Variants in HMCN2 observed in about 807,000 individuals in gnomAD.
HMCN2 encodes the protein hemicentin 2, also known as hemicentin-2.
HMCN2 carries 325 observed loss-of-function variants against 377.5 expected under a neutral mutation model. The ratio of observed to expected loss-of-function variants is 0.86; its 90% confidence interval spans 0.79 to 0.94. The LOEUF (loss-of-function observed/expected upper bound fraction) is 0.94, where lower values mean the gene tolerates loss of function less well. HMCN2 is among the 40% of genes least tolerant of loss of function. The pLI is 0.00. For missense variants in HMCN2, 4,543 were observed against 4,725.3 expected, an observed-to-expected ratio of 0.96 and a Z score of 1.13; for synonymous variants, 2,007 against 2,046.8, an observed-to-expected ratio of 0.98 and a Z score of 0.53.
At chr9:130,343,616 G>T (rs895380988) in intron 25 of HMCN2, among the ~76,000 whole-genome samples, 1 of 152,122 alleles carries the variant, frequency 6.6e-6, no homozygotes, top group African/African-American at 2.4e-5. Flanking sequence ...GCCGTTCTGC[G>T]CTTTTGGGAG....
intron 66 of HMCN2, among the ~76,000 whole-genome samples, chr9:130,392,566 A>C (rs1842372586): frequency 6.6e-6 from 1 of 152,188 alleles, no homozygotes; most frequent in Non-Finnish European, 1.5e-5. Context: ...AAGGGGAGCC[A>C]AGCTGTCCAT....
chr9:130,324,099 A>G (rs1837995785), intron 19 of HMCN2, among the ~76,000 whole-genome samples: 1 of 152,208 alleles, frequency 6.6e-6, no homozygotes, highest in South Asian at 2.1e-4. Flanking sequence ...ATTTCACACT[A>G]TCACCGCTAT....
At chr9:130,300,572 G>A (rs1891305) in intron 8 of HMCN2, among the ~76,000 whole-genome samples, 1 of 152,042 alleles carries the variant, frequency 6.6e-6, no homozygotes, top group South Asian at 2.1e-4. Context: ...CAGGGCTGCC[G>A]TGGGGGTGCC....
At chr9:130,380,604 T>C (rs554053020) in intron 54 of HMCN2, among the ~76,000 whole-genome samples, 1 of 151,996 alleles carries the variant, frequency 6.6e-6, no homozygotes, top group Non-Finnish European at 1.5e-5. Flanking sequence ...CTGGGCAACA[T>C]CGTGAGACCC....
In HMCN2 at chr9:130,431,391, ACCTGTGTCAGCACG is replaced by A. The variant is rs1844746190; in HGVS notation, c.14677_14690del (p.Cys4893ProfsTer4). 6.5e-7 allele frequency: 1 copy of A among 1,549,780 alleles called. No individual in the cohort carries two copies. The highest frequency in any genetic ancestry group is 8.7e-7 in the Non-Finnish European group (1 of 1,146,760). On this transcript the variant is annotated frameshift_variant, in exon 96 of 98. Transcript: ENST00000683500. LOFTEE classifies it high-confidence loss of function. ...GACCTTGACGAGTGCCGCGTGAGGA[ACCTGTGTCAGCACG>A]CCTGCCGCAACACTGAGGGCAGCTA...
At chr9:130,419,147 C>T (rs1843851155) in intron 86 of HMCN2, 106 bp downstream of exon 86, 1 of 1,117,808 alleles carries the variant, frequency 8.9e-7, no homozygotes, top group Non-Finnish European at 1.2e-6. Context: ...TGCCAGCTCC[C>T]CACCTCTTCC....
At chr9:130,287,463 A>G (rs1554928326) in intron 4 of HMCN2, among the ~76,000 whole-genome samples, 1 of 143,072 alleles carries the variant, frequency 7.0e-6, no homozygotes, top group African/African-American at 2.6e-5. Context: ...TAAGTCTCCT[A>G]TTGCTTGAAC....
intron 7 of HMCN2, among the ~76,000 whole-genome samples, chr9:130,297,072 C>T (rs192942728): frequency 2.0e-5 from 3 of 152,238 alleles, no homozygotes; most frequent in African/African-American, 4.8e-5. Context: ...CTGGAGGACA[C>T]TTACACTGTG....
intron 1 of HMCN2, among the ~76,000 whole-genome samples, chr9:130,267,887 C>T (rs1834210197): frequency 6.6e-6 from 1 of 152,190 alleles, no homozygotes; most frequent in Non-Finnish European, 1.5e-5. Context: ...ACAGGTCACC[C>T]TCCGTCTCCC....
At chr9:130,267,187 C>T (rs1348707964) in intron 1 of HMCN2, among the ~76,000 whole-genome samples, 7 of 151,852 alleles carry the variant, frequency 4.6e-5, no homozygotes. Flanking sequence ...CTCAGTGATC[C>T]TCCCACTTAG....
chr9:130,307,659 AG>A lies in HMCN2; in HGVS notation c.2200+94del, dbSNP rs1278486524. 3.3e-5 allele frequency: 15 copies of A among 460,446 alleles called. No individual in the cohort carries two copies. The East Asian group carries it at 9.8e-4, about 30-fold the overall frequency. The allele number at this position is 460,446 out of a possible 1,614,324, so 28.5% of individuals were successfully genotyped here. ...GGTGTCCTGAATGTGGAGTCTGGGG[AG>A]AGCTGGAAGGTTCTGCTCCCCGCCG... On this transcript the variant is annotated intron_variant, in intron 14 of 97. Coordinates refer to ENST00000683500, the MANE Select transcript of HMCN2 (RefSeq NM_001291815.2).
intron 8 of HMCN2, among the ~76,000 whole-genome samples, chr9:130,300,675 G>A (rs1554934053): frequency 6.6e-6 from 1 of 152,268 alleles, no homozygotes; most frequent in Non-Finnish European, 1.5e-5. Context: ...CAGTGTGGCA[G>A]CTGCTGTTAC....
At chr9:130,412,178 G>T (rs1415602317) in intron 85 of HMCN2, among the ~76,000 whole-genome samples, 5 of 152,094 alleles carry the variant, frequency 3.3e-5, no homozygotes, top group African/African-American at 1.2e-4. Flanking sequence ...CACCATGTTG[G>T]CCAGGCTGCT....
chr9:130,370,520 C>A (rs1289454290), intron 45 of HMCN2, among the ~76,000 whole-genome samples: 1 of 152,190 alleles, frequency 6.6e-6, no homozygotes, highest in Non-Finnish European at 1.5e-5. Context: ...AACACCCCCA[C>A]CCCCCTGGGT....
At chr9:130,416,529 G>A (rs1224039332) in intron 85 of HMCN2, among the ~76,000 whole-genome samples, 1 of 152,202 alleles carries the variant, frequency 6.6e-6, no homozygotes, top group Non-Finnish European at 1.5e-5. Context: ...TCTCATTGCT[G>A]TGTGTTTTTC....
intron 29 of HMCN2, among the ~76,000 whole-genome samples, chr9:130,349,962 A>C (rs1839613739): frequency 1.1e-5 from 1 of 94,896 alleles, no homozygotes; most frequent in Non-Finnish European, 2.1e-5. Flanking sequence ...CAGTGGAACG[A>C]TCTCAGCTCA....
chr9:130,338,396 C>T (rs1257680047), intron 23 of HMCN2: 1 of 150,054 alleles, frequency 6.7e-6, no homozygotes, highest in African/African-American at 2.5e-5. Flanking sequence ...AGCTGGGAGC[C>T]CAGGGTGTGG....
chr9:130,372,018 C>A (rs553240006), intron 46 of HMCN2, among the ~76,000 whole-genome samples: 30 of 152,326 alleles, frequency 2.0e-4, no homozygotes, highest in Admixed American at 1.9e-3. Flanking sequence ...CAGCTCCAGC[C>A]AATCCCCAGA....
intron 1 of HMCN2, among the ~76,000 whole-genome samples, chr9:130,277,949 TCATCAC>T (rs1158745699): frequency 5.8e-5 from 4 of 68,710 alleles, no homozygotes; most frequent in South Asian, 6.0e-4. Flanking sequence ...ACCATCATCA[TCATCAC>T]CACCACCACC....
Sources: allele counts gnomAD v4.1 joint callset (sites outside exome capture counted in the v4.1 genomes callset), GRCh38; gene constraint gnomAD v4.1.1; transcripts MANE v1.5; gene names NCBI Gene and HGNC (gene_info 2026-07-23, HGNC 2026-07-21).